Variants in DOCK2 observed in about 807,000 individuals in gnomAD.
DOCK2 encodes dedicator of cytokinesis 2.
Under a neutral mutation model 248.9 loss-of-function variants are expected in DOCK2, and 87 were observed. That is an observed-to-expected ratio of 0.35 (90% CI 0.29 to 0.42). The LOEUF (loss-of-function observed/expected upper bound fraction) is 0.42, where lower values mean the gene tolerates loss of function less well. DOCK2 is among the 10% of genes least tolerant of loss of function. The pLI is 1.00. For missense variants in DOCK2, 1,747 were observed against 2,300.2 expected, an observed-to-expected ratio of 0.76 and a Z score of 4.92; for synonymous variants, 805 against 821.6, an observed-to-expected ratio of 0.98 and a Z score of 0.35.
intron 27 of DOCK2, among the ~76,000 whole-genome samples, chr5:169,925,879 C>T (rs1425100579): frequency 2.0e-5 from 3 of 152,072 alleles, no homozygotes; most frequent in Admixed American, 2.0e-4. Context: ...AGAAGATGTT[C>T]CCTGGCAGCT....
At chr5:169,669,658 T>G (rs1480822943) in intron 3 of DOCK2, among the ~76,000 whole-genome samples, 1 of 151,854 alleles carries the variant, frequency 6.6e-6, no homozygotes, top group East Asian at 1.9e-4. Context: ...CCTTTAGAGT[T>G]GTTTGCAGCA....
rs931583206 is a variant in DOCK2, at chr5:169,720,665, G to A, written c.2267+1874G>A. 3.3e-5 allele frequency among the ~76,000 whole-genome samples: 5 copies of A among 152,238 alleles called. No homozygotes were observed. In the East Asian group the frequency reaches 7.7e-4, roughly 23 times the overall value. Reference sequence around the variant, plus strand: ...CACTGAGCGGCTCCCCTTCCTACTGGAAGGCACATGGAGATGAGACTGCAG... The same window carrying A: ...CACTGAGCGGCTCCCCTTCCTACTGAAAGGCACATGGAGATGAGACTGCAG... On this transcript the variant is annotated intron_variant, in intron 22 of 51. Coordinates refer to ENST00000520908, the MANE Select transcript of DOCK2 (RefSeq NM_004946.3).
At chr5:169,797,427 T>C (rs1045953566) in intron 25 of DOCK2, among the ~76,000 whole-genome samples, 3 of 152,168 alleles carry the variant, frequency 2.0e-5, no homozygotes, top group African/African-American at 7.2e-5. Context: ...CCCTGAGCCA[T>C]CAAATAATTG....
intron 30 of DOCK2, among the ~76,000 whole-genome samples, chr5:170,007,688 C>T (rs568291019): frequency 6.6e-6 from 1 of 152,304 alleles, no homozygotes; most frequent in African/African-American, 2.4e-5. Context: ...CATGTGCTGA[C>T]CCCTTTACCT....
At chr5:169,970,124 C>A (rs1390176242) in intron 27 of DOCK2, among the ~76,000 whole-genome samples, 1 of 152,192 alleles carries the variant, frequency 6.6e-6, no homozygotes, top group Non-Finnish European at 1.5e-5. Flanking sequence ...AGATGATTTT[C>A]ATTATGCAGA....
intron 41 of DOCK2, among the ~76,000 whole-genome samples, chr5:170,053,155 C>G (rs894195059): frequency 6.6e-6 from 1 of 152,230 alleles, no homozygotes; most frequent in Admixed American, 6.5e-5. Flanking sequence ...AGCCATCCTC[C>G]TGGTACAACT....
chr5:169,761,430 C>A, intron 24 of DOCK2, 89 bp from the exon 25 acceptor site: 1 of 1,075,448 alleles, frequency 9.3e-7, no homozygotes, highest in Non-Finnish European at 1.4e-6. Flanking sequence ...TTTCCCAGAG[C>A]TAGAGGTCCA....
chr5:169,961,901 C>G (rs1218768099), intron 27 of DOCK2, among the ~76,000 whole-genome samples: 1 of 139,114 alleles, frequency 7.2e-6, no homozygotes, highest in African/African-American at 2.8e-5. Context: ...ATCACTTGAA[C>G]CCAGGAGGCG....
At chr5:169,664,625 C>T (rs1027985100) in intron 2 of DOCK2, among the ~76,000 whole-genome samples, 4 of 152,170 alleles carry the variant, frequency 2.6e-5, no homozygotes, top group African/African-American at 9.7e-5. Context: ...GGGAAGCAGG[C>T]ACATCTTACA....
intron 27 of DOCK2, among the ~76,000 whole-genome samples, chr5:169,853,804 CTTTTTTTTTTTTTTTTTTTTTTTTTTTTT>C (rs67124138): frequency 1.9e-4 from 11 of 56,818 alleles, no homozygotes; most frequent in South Asian, 1.6e-3. Flanking sequence ...GGAAAAACAA[CTTTTTTTTTTTTTTTTTTTTTTTTTTTTT>C]TTTTTTTTTT....
In DOCK2 at chr5:170,057,348, AG is replaced by A. The variant is rs1757167137; in HGVS notation, c.4381-230del. ...AAAAATTCAGACTGCTAATAAACCC[AG>A]GTTAGTACTTACTTGGCCTAAGTCC... On this transcript the variant is annotated intron_variant, in intron 43 of 51. Coordinates refer to ENST00000520908, the MANE Select transcript of DOCK2 (RefSeq NM_004946.3). 1.0e-5 allele frequency: 6 copies of A among 573,560 alleles called. No individual in the cohort carries two copies. The East Asian group carries it at 1.8e-4, about 18-fold the overall frequency. 35.5% of individuals were successfully genotyped at this position (573,560 alleles called of 1,614,324 possible). A position where few individuals can be genotyped will look rare whatever the true frequency, so the allele number is the denominator to read the frequency against.
At chr5:170,046,647 CTGTT>C (rs1374896397) in intron 39 of DOCK2, among the ~76,000 whole-genome samples, 2 of 152,186 alleles carry the variant, frequency 1.3e-5, no homozygotes, top group Non-Finnish European at 2.9e-5. Context: ...ACTGTTTTCA[CTGTT>C]TGTAAGATAA....
intron 22 of DOCK2, among the ~76,000 whole-genome samples, chr5:169,746,433 A>G (rs960944909): frequency 1.3e-5 from 2 of 152,170 alleles, no homozygotes; most frequent in Admixed American, 6.5e-5. Flanking sequence ...TGCTTTATCT[A>G]GGAAAGCACC....
At chr5:169,844,928 C>T (rs900524614) in intron 27 of DOCK2, among the ~76,000 whole-genome samples, 2 of 152,064 alleles carry the variant, frequency 1.3e-5, no homozygotes, top group African/African-American at 2.4e-5. Flanking sequence ...GCACTGTATT[C>T]ATTTATTTAT....
intron 22 of DOCK2, among the ~76,000 whole-genome samples, chr5:169,746,828 A>T (rs1263587890): frequency 6.6e-6 from 1 of 152,224 alleles, no homozygotes; most frequent in Admixed American, 6.5e-5. Context: ...CTTCTAAGTT[A>T]TGTATTTCAG....
chr5:169,920,133 G>A (rs192816316), intron 27 of DOCK2, among the ~76,000 whole-genome samples: 65 of 152,196 alleles, frequency 4.3e-4, no homozygotes, highest in Admixed American at 6.5e-5. Flanking sequence ...GAGATTTAGC[G>A]TCTCAGGGAG....
At position 170,070,034 on chromosome 5, in the gene DOCK2, G is replaced by A. The variant is rs184596177; in HGVS notation, c.4728+814G>A. Among the ~76,000 whole-genome samples the A allele has an allele frequency of 2.0e-4, 31 of 151,882 alleles. No individual in the cohort carries two copies. In the East Asian group the frequency reaches 4.1e-3, roughly 20 times the overall value. ...CCATCTCCCTGCAGAAGCAACAGTC[G>A]GCTAGATCCCTCTCATAGAGGCTTA... is the stretch of plus-strand genomic sequence containing the variant. On this transcript the variant is annotated intron_variant, in intron 46 of 51. Transcript: ENST00000520908.
Position 169,846,862 on chromosome 5 carries a change from C to G in DOCK2, c.2799+6010C>G, listed in dbSNP as rs1390050892. ...TTCCTAGCCCCCCTTCCACCCTCCC[C>G]CTTCTGAGTCTCCAAGGTCCATTAC... On this transcript the variant is annotated intron_variant, in intron 27 of 51. Coordinates refer to ENST00000520908, the MANE Select transcript of DOCK2 (RefSeq NM_004946.3). 5.3e-5 allele frequency among the ~76,000 whole-genome samples: 8 copies of G among 152,000 alleles called. No homozygotes were observed. The East Asian group carries it at 9.6e-4, about 18-fold the overall frequency.
chr5:170,047,382 A>C lies in DOCK2; in HGVS notation c.3967-128A>C, dbSNP rs1756751878. 4.3e-6 allele frequency: 3 copies of C among 698,756 alleles called. No homozygotes were observed. In the East Asian group the frequency reaches 8.1e-5, roughly 19 times the overall value. 43.3% of individuals were successfully genotyped at this position (698,756 alleles called of 1,614,324 possible). On this transcript the variant is annotated intron_variant, in intron 39 of 51. Transcript: ENST00000520908. The stretch of plus-strand genomic sequence containing the variant: ...TATTGTGATTATAGACATAGCACAG[A>C]TATGTAAATATGTGCACATGGCTCA...
Sources: allele counts gnomAD v4.1 joint callset (sites outside exome capture counted in the v4.1 genomes callset), GRCh38; gene constraint gnomAD v4.1.1; transcripts MANE v1.5; gene names NCBI Gene and HGNC (gene_info 2026-07-23, HGNC 2026-07-21).